Variants in ITGB5 observed in about 807,000 individuals in gnomAD.
The protein encoded by ITGB5 is integrin beta-5.
A neutral mutation model predicts 84.8 loss-of-function variants in ITGB5; 38 were observed. That is an observed-to-expected ratio of 0.45 (90% CI 0.35 to 0.59). The LOEUF is 0.59. Ranked by LOEUF, ITGB5 falls within the 20% of genes least tolerant of loss-of-function variation. The pLI, the probability that ITGB5 is intolerant of heterozygous loss-of-function variation, is 0.01. For synonymous variants in ITGB5, 393 were observed against 414.4 expected (o/e 0.95, Z 0.63); for missense variants, 905 against 1,034.5 (o/e 0.87, Z 1.72).
chr3:124,889,070 C>G (rs1004925190), upstream of ITGB5, among the ~76,000 whole-genome samples: 4 of 152,198 alleles, frequency 2.6e-5, no homozygotes, highest in African/African-American at 7.2e-5. Flanking sequence ...TCAGGCAAAC[C>G]TGCCTCCCAT....
chr3:124,832,705 G>A (rs1421895427), intron 5 of ITGB5, among the ~76,000 whole-genome samples: 1 of 152,208 alleles, frequency 6.6e-6, no homozygotes, highest in African/African-American at 2.4e-5. Flanking sequence ...AGGCATCACG[G>A]CTACTTCAAC....
chr3:124,779,187 G>A (rs1370132982), intron 10 of ITGB5, among the ~76,000 whole-genome samples: 1 of 152,038 alleles, frequency 6.6e-6, no homozygotes, highest in Non-Finnish European at 1.5e-5. Flanking sequence ...TGTCCACAGG[G>A]AAAGGCAAGG....
At position 124,841,380 on chromosome 3, in the gene ITGB5, T is replaced by C; in HGVS notation, c.780+3A>G. 6.2e-7 allele frequency: 1 copy of C among 1,613,396 alleles called. No individual in the cohort carries two copies. ...CAGGGACAGGACCAGAAAGGAAAGT[T>C]ACCTTGCAGACGGCTGCCTGGAGTA... is the stretch of plus-strand genomic sequence containing the variant. On this transcript the variant is annotated splice_donor_region_variant and intron_variant, in intron 5 of 14. Transcript: ENST00000296181.
At chr3:124,780,092 C>G (rs757560600) in intron 10 of ITGB5, among the ~76,000 whole-genome samples, 1 of 151,936 alleles carries the variant, frequency 6.6e-6, no homozygotes, top group Non-Finnish European at 1.5e-5. Context: ...TGGCCCTCAG[C>G]GAGGCCTCTG....
intron 5 of ITGB5, among the ~76,000 whole-genome samples, chr3:124,829,358 C>T (rs972493795): frequency 1.3e-5 from 2 of 152,222 alleles, no homozygotes; most frequent in African/African-American, 2.4e-5. Flanking sequence ...GTTAGGAGCG[C>T]GTGGGGCGGA....
In ITGB5 at chr3:124,834,318, G is replaced by A. The variant is rs527336905; in HGVS notation, c.780+7065C>T. On this transcript the variant is annotated intron_variant, in intron 5 of 14. Coordinates refer to ENST00000296181, the MANE Select transcript of ITGB5 (RefSeq NM_002213.5). ...GCTGATGGTGGGGGAGGTTGTGTGCGCAGTGGTCAGAGGGAAGTTGTGGGA... is the reference window on the plus strand; with the variant it reads ...GCTGATGGTGGGGGAGGTTGTGTGCACAGTGGTCAGAGGGAAGTTGTGGGA... 2.1e-4 allele frequency among the ~76,000 whole-genome samples: 32 copies of A among 151,750 alleles called. No individual in the cohort carries two copies. The South Asian group carries it at 5.3e-3, about 25-fold the overall frequency.
Position 124,817,633 on chromosome 3 carries a change from A to T in ITGB5, c.1116T>A (p.Ile372=). 6.5e-7 allele frequency: 1 copy of T among 1,549,820 alleles called. No homozygotes were observed. Among genetic ancestry groups the T allele is most frequent in the Non-Finnish European group, 8.9e-7 (1 of 1,129,528 alleles). The stretch of plus-strand genomic sequence containing the variant: ...ACTGATGACTTACATTGTATGCATT[A>T]ATAATCAGTTGAATAATATTTTTGG... ...GDSKNIIQLI[I]NAYNSIRSKV... The change falls in exon 8 of 15, where the codon ATT becomes ATA. Residue 372 remains isoleucine, a synonymous_variant. Coordinates refer to ENST00000296181, the MANE Select transcript of ITGB5 (RefSeq NM_002213.5).
chr3:124,773,843 G>A lies in ITGB5; in HGVS notation c.1763C>T (p.Ser588Leu), dbSNP rs756580962. The change falls in exon 11 of 15, where the codon TCG becomes TTG. Residue 588 changes from serine to leucine, a missense_variant. Physicochemically the swap from Ser to Leu is moderately radical, Grantham distance 145 (BLOSUM62 -2). Around this residue, in one of 3 missense-constraint regions of ITGB5, gnomAD observed 116 missense variants for 177.0 expected, o/e 0.66. Transcript: ENST00000296181. ...AGYIGDNCNCSTDISTCRGRD... is the reference protein window; with the variant it reads ...AGYIGDNCNCLTDISTCRGRD... ...GCCCCGGCATGTGCTGATGTCTGTCGAGCAGTTACAGTTGTCCCCGATGTA... is the reference window on the plus strand; with the variant it reads ...GCCCCGGCATGTGCTGATGTCTGTCAAGCAGTTACAGTTGTCCCCGATGTA... The A allele has an allele frequency of 1.7e-5, 28 of 1,614,122 alleles. No individual in the cohort carries two copies. The highest frequency in any genetic ancestry group is 1.7e-4 in the Middle Eastern group (1 of 6,008).
At chr3:124,858,644 G>A (rs908296887) in intron 3 of ITGB5, among the ~76,000 whole-genome samples, 1 of 152,136 alleles carries the variant, frequency 6.6e-6, no homozygotes, top group Non-Finnish European at 1.5e-5. Flanking sequence ...AACTTCAAAG[G>A]ACAAATATTG....
chr3:124,790,465 TTTGA>T (rs2064133611), intron 10 of ITGB5, among the ~76,000 whole-genome samples: 2 of 149,494 alleles, frequency 1.3e-5, no homozygotes, highest in Admixed American at 1.3e-4. Context: ...CAGAACCGCC[TTTGA>T]CTAGACAGGG....
intron 6 of ITGB5, 73 bp downstream of exon 6, chr3:124,821,240 G>C (rs1035139691): frequency 1.3e-6 from 2 of 1,503,704 alleles, no homozygotes; most frequent in Admixed American, 2.0e-5. Context: ...TTCAAGGCTG[G>C]GCAAGTACTA....
At chr3:124,852,699 GT>G (rs1003376148) in intron 3 of ITGB5, among the ~76,000 whole-genome samples, 2 of 151,866 alleles carry the variant, frequency 1.3e-5, no homozygotes, top group East Asian at 3.9e-4. Flanking sequence ...AAACTTTTTT[GT>G]TTTTTGAGAC....
At chr3:124,839,267 A>C (rs1053175357) in intron 5 of ITGB5, among the ~76,000 whole-genome samples, 3 of 152,208 alleles carry the variant, frequency 2.0e-5, no homozygotes, top group Non-Finnish European at 2.9e-5. Context: ...GTCAACAATA[A>C]TTCACCAGGT....
intron 6 of ITGB5, among the ~76,000 whole-genome samples, chr3:124,820,797 A>C (rs1357549015): frequency 6.6e-6 from 1 of 152,186 alleles, no homozygotes; most frequent in African/African-American, 2.4e-5. Flanking sequence ...CAAATTGCAT[A>C]GTTGTGGTTA....
intron 12 of ITGB5, among the ~76,000 whole-genome samples, chr3:124,768,365 T>A (rs1459205991): frequency 6.6e-6 from 1 of 152,240 alleles, no homozygotes; most frequent in East Asian, 1.9e-4. Flanking sequence ...TCTGAATATT[T>A]CCATCACCAC....
At chr3:124,826,905 A>T (rs549416214) in intron 5 of ITGB5, among the ~76,000 whole-genome samples, 1 of 152,316 alleles carries the variant, frequency 6.6e-6, no homozygotes, top group South Asian at 2.1e-4. Context: ...GCTGCTGCGA[A>T]TGAGTCAGGA....
intron 9 of ITGB5, among the ~76,000 whole-genome samples, chr3:124,798,878 CAGG>C (rs1369849058): frequency 1.3e-5 from 2 of 152,186 alleles, no homozygotes; most frequent in Non-Finnish European, 1.5e-5. Flanking sequence ...TGGGACTGAG[CAGG>C]AGGATAGATC....
At chr3:124,888,632 T>C (rs1016307102), upstream of ITGB5, among the ~76,000 whole-genome samples, 1 of 152,226 alleles carries the variant, frequency 6.6e-6, no homozygotes, top group African/African-American at 2.4e-5. Context: ...CCTACTGTTA[T>C]CCAGTTGAGG....
chr3:124,772,823 C>T (rs982540057), intron 11 of ITGB5, among the ~76,000 whole-genome samples: 3 of 151,856 alleles, frequency 2.0e-5, no homozygotes. Flanking sequence ...GTTCTATTAT[C>T]TGTATAAATG....
Sources: allele counts gnomAD v4.1 joint callset (sites outside exome capture counted in the v4.1 genomes callset), GRCh38; gene constraint gnomAD v4.1.1; regional missense constraint gnomAD v4.1.1; transcripts MANE v1.5; gene names NCBI Gene and HGNC (gene_info 2026-07-23, HGNC 2026-07-21).